Variants in TBC1D5 observed in about 807,000 individuals in gnomAD.
TBC1D5 encodes the protein TBC1 domain family member 5.
Under a neutral mutation model 100.3 loss-of-function variants are expected in TBC1D5, and 75 were observed. That is an observed-to-expected ratio of 0.75 (90% CI 0.62 to 0.91). The LOEUF (loss-of-function observed/expected upper bound fraction) is 0.91, where lower values mean the gene tolerates loss of function less well. TBC1D5 is among the 40% of genes least tolerant of loss of function. The pLI, the probability that TBC1D5 is intolerant of heterozygous loss-of-function variation, is 0.00. For synonymous variants in TBC1D5, 323 were observed against 325.6 expected, an observed-to-expected ratio of 0.99 and a Z score of 0.09; for missense variants, 910 against 942.4, an observed-to-expected ratio of 0.97 and a Z score of 0.45.
intron 4 of TBC1D5, among the ~76,000 whole-genome samples, chr3:17,425,681 T>A (rs1234928039): frequency 6.6e-6 from 1 of 151,968 alleles, no homozygotes; most frequent in African/African-American, 2.4e-5. Context: ...AAACTGACAA[T>A]CTAATATCAT....
chr3:17,486,738 T>C (rs952423773), intron 3 of TBC1D5, among the ~76,000 whole-genome samples: 13 of 152,164 alleles, frequency 8.5e-5, no homozygotes, highest in African/African-American at 3.1e-4. Flanking sequence ...CCACCTAGCA[T>C]CTTCACCCTC....
intron 2 of TBC1D5, among the ~76,000 whole-genome samples, chr3:17,563,116 T>G (rs1003583167): frequency 1.9e-4 from 29 of 152,290 alleles, no homozygotes; most frequent in African/African-American, 6.0e-4. Flanking sequence ...AAGAGAGAGT[T>G]TTCAGGTTGC....
chr3:17,236,427 T>C (rs944450118), intron 17 of TBC1D5, among the ~76,000 whole-genome samples: 2 of 152,162 alleles, frequency 1.3e-5, no homozygotes, highest in African/African-American at 2.4e-5. Context: ...CTTTGGTCTC[T>C]TTTTTTAAAA....
rs3041142 is a variant in TBC1D5, at chr3:17,380,045, ATGTGTG to A, written c.613-3438_613-3433del. Among the ~76,000 whole-genome samples the A allele has an allele frequency of 3.9e-3, 434 of 112,484 alleles. 2 individuals carry two copies. Among genetic ancestry groups the A allele is most frequent in the African/African-American group, 6.6e-3 (169 of 25,448 alleles). 73.8% of individuals were successfully genotyped at this position (112,484 alleles called of 152,430 possible). On this transcript the variant is annotated intron_variant, in intron 9 of 21. Coordinates refer to ENST00000253692, the Ensembl canonical transcript of TBC1D5. Reference sequence around the variant, plus strand: ...GGACACTGTACAGCTGTGACTGTGTATGTGTGTGTGTGTGTGTGTGTGTGTGTGTGT... The same window carrying A: ...GGACACTGTACAGCTGTGACTGTGTATGTGTGTGTGTGTGTGTGTGTGTGT...
At chr3:17,626,063 AAGAAAAG>A (rs2063030034) in intron 1 of TBC1D5, among the ~76,000 whole-genome samples, 1 of 152,142 alleles carries the variant, frequency 6.6e-6, no homozygotes, top group Non-Finnish European at 1.5e-5. Flanking sequence ...GTGTATTTAG[AAGAAAAG>A]AATTAAGTTG....
At chr3:17,737,699 C>G (rs2077063903) in intron 1 of TBC1D5, among the ~76,000 whole-genome samples, 1 of 152,024 alleles carries the variant, frequency 6.6e-6, no homozygotes, top group Admixed American at 6.5e-5. Flanking sequence ...GTCAATCACT[C>G]TTCTTCATGT....
Position 17,526,200 on chromosome 3 carries a change from A to G in TBC1D5, c.-35-17595T>C, listed in dbSNP as rs189840992. The stretch of plus-strand genomic sequence containing the variant: ...CTTATTTCTATAAAAGAAAACTTCC[A>G]GAATCAATTTATTCATTTATTTATT... On this transcript the variant is annotated intron_variant, in intron 2 of 21. Coordinates refer to ENST00000253692, the Ensembl canonical transcript of TBC1D5. 9.8e-5 allele frequency among the ~76,000 whole-genome samples: 15 copies of G among 152,314 alleles called. No homozygotes were observed. The East Asian group carries it at 2.9e-3, about 29-fold the overall frequency.
At chr3:17,258,578 G>C (rs1386740451) in exon 16 of TBC1D5, 2 of 1,611,778 alleles carry the variant, frequency 1.2e-6, no homozygotes, top group Non-Finnish European at 1.7e-6. Flanking sequence ...ATAAGTCACT[G>C]GTCTTGGATT....
intron 18 of TBC1D5, among the ~76,000 whole-genome samples, chr3:17,198,520 A>T (rs895485474): frequency 1.6e-4 from 25 of 152,196 alleles, no homozygotes; most frequent in Non-Finnish European, 3.2e-4. Flanking sequence ...ATACTAAAAA[A>T]TTTACTCATT....
intron 3 of TBC1D5, among the ~76,000 whole-genome samples, chr3:17,494,450 A>T (rs2095678551): frequency 2.6e-5 from 4 of 152,202 alleles, no homozygotes; most frequent in Non-Finnish European, 5.9e-5. Flanking sequence ...GAGTGGGTGC[A>T]CTGTGCTGGG....
At chr3:17,387,885 A>T (rs1369765709) in intron 8 of TBC1D5, among the ~76,000 whole-genome samples, 17 of 151,936 alleles carry the variant, frequency 1.1e-4, no homozygotes, top group Non-Finnish European at 2.4e-4. Context: ...GTAGAGGTTC[A>T]TAATTTATTC....
Position 17,174,721 on chromosome 3 carries a change from G to A in TBC1D5, c.1853-6893C>T, listed in dbSNP as rs187817709. On this transcript the variant is annotated intron_variant, in intron 19 of 21. Coordinates refer to ENST00000253692, the Ensembl canonical transcript of TBC1D5. ...CAATTCTCCTGTCTCAGCTTCCTGA[G>A]TAGCTGGGATTATAGGCGTGTGCTA... Among the ~76,000 whole-genome samples the A allele has an allele frequency of 2.6e-4, 39 of 152,284 alleles. 1 individual carries two copies. The East Asian group carries it at 7.1e-3, about 28-fold the overall frequency.
At chr3:17,722,915 G>C (rs2075822235) in intron 1 of TBC1D5, among the ~76,000 whole-genome samples, 1 of 152,182 alleles carries the variant, frequency 6.6e-6, no homozygotes, top group Admixed American at 6.5e-5. Context: ...GACTGGGGCA[G>C]TGAGAGTAAA....
Position 17,311,734 on chromosome 3 carries a change from T to A in TBC1D5, c.996-3600A>T, listed in dbSNP as rs1211629526. Among the ~76,000 whole-genome samples, 2 of 152,058 alleles carry A rather than the reference T, an allele frequency of 1.3e-5. 1 individual carries two copies. Among genetic ancestry groups the A allele is most frequent in the African/African-American group, 4.8e-5 (2 of 41,434 alleles). On this transcript the variant is annotated intron_variant, in intron 13 of 21. Coordinates refer to ENST00000253692, the Ensembl canonical transcript of TBC1D5. Reference sequence around the variant, plus strand: ...CCATTAATGGCTCTTTAGTGAGATATGGGCATAGTAACCTTACAAGAACAA... The same window carrying A: ...CCATTAATGGCTCTTTAGTGAGATAAGGGCATAGTAACCTTACAAGAACAA...
At chr3:17,684,342 T>C (rs1010627126) in intron 1 of TBC1D5, among the ~76,000 whole-genome samples, 1 of 152,138 alleles carries the variant, frequency 6.6e-6, no homozygotes, top group African/African-American at 2.4e-5. Flanking sequence ...TTTGGATATA[T>C]GTATGCATAA....
chr3:17,470,943 CATGA>C (rs1338300395), intron 3 of TBC1D5, among the ~76,000 whole-genome samples: 94 of 152,170 alleles, frequency 6.2e-4, no homozygotes, highest in African/African-American at 2.2e-3. Flanking sequence ...ATTTTTGTGA[CATGA>C]ACTTCTGCAA....
intron 18 of TBC1D5, among the ~76,000 whole-genome samples, chr3:17,208,648 ACAG>A (rs1053942584): frequency 6.6e-6 from 1 of 152,264 alleles, no homozygotes; most frequent in Non-Finnish European, 1.5e-5. Flanking sequence ...CTCTTGGTTC[ACAG>A]CAGGTCTATG....
At chr3:17,231,408 C>T (rs781722457) in intron 17 of TBC1D5, among the ~76,000 whole-genome samples, 9 of 151,530 alleles carry the variant, frequency 5.9e-5, no homozygotes, top group African/African-American at 1.2e-4. Context: ...ATTATGGAAT[C>T]TCACCTTATA....
intron 4 of TBC1D5, among the ~76,000 whole-genome samples, chr3:17,415,243 G>A (rs895728969): frequency 2.0e-5 from 3 of 152,072 alleles, no homozygotes; most frequent in Admixed American, 6.5e-5. Context: ...TGCAAGCTCC[G>A]CCTCTGGGGT....
Sources: allele counts gnomAD v4.1 joint callset (sites outside exome capture counted in the v4.1 genomes callset), GRCh38; gene constraint gnomAD v4.1.1; transcripts MANE v1.5; gene names NCBI Gene and HGNC (gene_info 2026-07-23, HGNC 2026-07-21).